The following NEBL variants were observed in gnomAD, a reference collection of about 807,000 sequenced individuals.
NEBL encodes the protein nebulette.
In NEBL, 122 loss-of-function variants were observed where a neutral mutation model predicts 140.2. The ratio of observed to expected loss-of-function variants is 0.87; its 90% confidence interval spans 0.75 to 1.01. The LOEUF (loss-of-function observed/expected upper bound fraction) is 1.01, where lower values mean the gene tolerates loss of function less well. NEBL is among the 50% of genes least tolerant of loss of function. The pLI is 0.00. For synonymous variants in NEBL, 436 were observed against 398.9 expected (o/e 1.09, Z -1.11); for missense variants, 1,365 against 1,231.3 (o/e 1.11, Z -1.62).
intron 3 of NEBL, among the ~76,000 whole-genome samples, chr10:21,236,016 G>A (rs1291623124): frequency 6.6e-6 from 1 of 152,122 alleles, no homozygotes; most frequent in African/African-American, 2.4e-5. Flanking sequence ...AAGGGTTCAA[G>A]GCCACCAGCT....
rs920640841 is a variant in NEBL, at chr10:20,859,819, T to C, written c.692A>G (p.Tyr231Cys). ...EASKLSSQIK[Y>C]KEKFDNEMKD... Reference sequence around the variant, plus strand: ...CATTTCATTATCAAATTTTTCTTTGTATTTAATCTGTCATAAAAGAGAAAT... The same window carrying C: ...CATTTCATTATCAAATTTTTCTTTGCATTTAATCTGTCATAAAAGAGAAAT... Residue 231 changes from tyrosine to cysteine, a missense_variant, in exon 8 of 28, where the codon TAC (tyrosine) becomes TGC (cysteine). Physicochemically the swap from Tyr to Cys is radical, Grantham distance 194. Transcript: ENST00000377122. The C allele has an allele frequency of 6.9e-7, 1 of 1,457,964 alleles. No homozygotes were observed. Among genetic ancestry groups the C allele is most frequent in the Non-Finnish European group, 9.6e-7 (1 of 1,041,406 alleles). The allele number at this position is 1,457,964 out of a possible 1,614,324, so 90.3% of individuals were successfully genotyped here.
At chr10:21,002,705 G>A (rs1209763241) in intron 3 of NEBL, among the ~76,000 whole-genome samples, 1 of 152,028 alleles carries the variant, frequency 6.6e-6, no homozygotes, top group African/African-American at 2.4e-5. Flanking sequence ...GCGAGCGAAG[G>A]GGGAAGCGCT....
In NEBL at chr10:21,196,151, G is replaced by A. The variant is rs1026863528; in HGVS notation, n.349-23674C>T. 6.0e-5 allele frequency among the ~76,000 whole-genome samples: 9 copies of A among 150,474 alleles called. No individual in the cohort carries two copies. In the East Asian group the frequency reaches 8.0e-4, roughly 13 times the overall value. On this transcript the variant is annotated intron_variant and non_coding_transcript_variant, in intron 3 of 8. Coordinates refer to the NEBL transcript ENST00000675702. ...CCTGAGTAGCTGGGATTACAGGCAC[G>A]CACCACCATGCCTGGCTAATTTTTG...
intron 2 of NEBL, among the ~76,000 whole-genome samples, chr10:21,087,153 C>A (rs1440013409): frequency 6.6e-6 from 1 of 152,136 alleles, no homozygotes; most frequent in African/African-American, 2.4e-5. Context: ...TCTGTGAACT[C>A]CTGGAGAACA....
chr10:20,914,602 G>T (rs1848461284), intron 4 of NEBL, among the ~76,000 whole-genome samples: 1 of 152,024 alleles, frequency 6.6e-6, no homozygotes, highest in Non-Finnish European at 1.5e-5. Context: ...TATTTTGGTA[G>T]TTTATATATT....
In NEBL at chr10:20,882,838, C is replaced by T. The variant is rs570520692; in HGVS notation, c.370-1934G>A. ...AAACTTCCACTGAAAGAGAACTCAA[C>T]CTTGGCCACCACAGCCTCTAAATTT... On this transcript the variant is annotated intron_variant, in intron 4 of 27. Transcript: ENST00000377122. Among the ~76,000 whole-genome samples, 72 of 152,248 alleles carry T rather than the reference C, an allele frequency of 4.7e-4. 1 individual carries two copies. Among genetic ancestry groups the T allele is most frequent in the African/African-American group, 1.7e-3 (70 of 41,530 alleles).
intron 25 of NEBL, 100 bp from the exon 26 acceptor site, chr10:20,808,759 T>C (rs1837858427): frequency 7.7e-7 from 1 of 1,300,432 alleles, no homozygotes; most frequent in African/African-American, 1.5e-5. Context: ...AAAAACCATC[T>C]CTTAGTAAAG....
chr10:20,938,618 G>C (rs1469093214), intron 4 of NEBL, among the ~76,000 whole-genome samples: 2 of 152,124 alleles, frequency 1.3e-5, no homozygotes, highest in Non-Finnish European at 2.9e-5. Context: ...AGAGAAGAAG[G>C]CTTCAGACAA....
chr10:20,929,630 T>C (rs527830073), intron 4 of NEBL, among the ~76,000 whole-genome samples: 24 of 152,274 alleles, frequency 1.6e-4, no homozygotes, highest in African/African-American at 5.3e-4. Flanking sequence ...GAGGCCATTA[T>C]CGTTAAGTGA....
intron 11 of NEBL, among the ~76,000 whole-genome samples, chr10:20,848,846 T>G (rs906382094): frequency 3.2e-4 from 48 of 152,358 alleles, no homozygotes; most frequent in African/African-American, 1.2e-3. Flanking sequence ...TTTTCCTTTT[T>G]GCTTGAAGAA....
At chr10:21,146,938 C>T (rs941616610) in intron 2 of NEBL, among the ~76,000 whole-genome samples, 3 of 152,132 alleles carry the variant, frequency 2.0e-5, no homozygotes, top group African/African-American at 7.2e-5. Flanking sequence ...GAATTCTGCA[C>T]AGAAAATCAA....
chr10:21,044,191 G>A (rs947086316), intron 2 of NEBL, among the ~76,000 whole-genome samples: 10 of 152,044 alleles, frequency 6.6e-5, no homozygotes, highest in African/African-American at 2.4e-4. Context: ...GAGGTCAGGA[G>A]TTCGAGACCA....
chr10:21,028,867 A>C, intron 2 of NEBL: 1 of 336,618 alleles, frequency 3.0e-6, no homozygotes, highest in East Asian at 5.4e-5. Flanking sequence ...ATAATCATAA[A>C]AATGTAAATA....
intron 3 of NEBL, among the ~76,000 whole-genome samples, chr10:21,238,531 C>T (rs1206690987): frequency 6.7e-6 from 1 of 150,198 alleles, no homozygotes; most frequent in African/African-American, 2.4e-5. Context: ...GAAACCCCAT[C>T]TCTACTGAAA....
intron 2 of NEBL, among the ~76,000 whole-genome samples, chr10:21,058,865 C>A (rs1258109132): frequency 6.6e-6 from 1 of 152,026 alleles, no homozygotes; most frequent in African/African-American, 2.4e-5. Context: ...ACATTTAGAC[C>A]AGGATTCAGA....
In NEBL at chr10:21,201,798, AT is replaced by A. The variant is rs909477650; in HGVS notation, n.349-29322del. Reference sequence around the variant, plus strand: ...CCTCTAGCATGGTTGATCTTTGTTTATTTTTTTATTATGGATGGTTTGGAAA... The same window carrying A: ...CCTCTAGCATGGTTGATCTTTGTTTATTTTTTATTATGGATGGTTTGGAAA... On this transcript the variant is annotated intron_variant and non_coding_transcript_variant, in intron 3 of 8. Transcript: ENST00000675702. Among the ~76,000 whole-genome samples, 6 of 152,096 alleles carry A rather than the reference AT, an allele frequency of 3.9e-5. No homozygotes were observed. In the East Asian group the frequency reaches 9.7e-4, roughly 25 times the overall value.
intron 26 of NEBL, among the ~76,000 whole-genome samples, chr10:20,797,008 G>C (rs974612879): frequency 5.3e-5 from 8 of 152,212 alleles, no homozygotes; most frequent in Admixed American, 2.6e-4. Flanking sequence ...CGTAATTCTG[G>C]GCAGTTCTTC....
intron 26 of NEBL, among the ~76,000 whole-genome samples, chr10:20,804,079 G>A (rs926262586): frequency 1.3e-5 from 2 of 151,956 alleles, no homozygotes. Context: ...TATTCTAAGA[G>A]CTAGAGATAC....
At chr10:21,130,725 A>G (rs1390787654) in intron 2 of NEBL, among the ~76,000 whole-genome samples, 2 of 152,314 alleles carry the variant, frequency 1.3e-5, no homozygotes, top group East Asian at 3.9e-4. Context: ...AAATTGTGGG[A>G]TGCCACGAAA....
Sources: gnomAD v4.1 joint callset for allele counts (sites outside exome capture counted in the v4.1 genomes callset) on GRCh38, gnomAD v4.1.1 for gene constraint, MANE v1.5 for transcripts, NCBI Gene and HGNC (gene_info 2026-07-23, HGNC 2026-07-21) for gene names.